Variants in CUX2 observed in about 807,000 individuals in gnomAD.
The protein encoded by CUX2 is cut like homeobox 2, also known as homeobox protein cut-like 2.
A neutral mutation model predicts 144.8 loss-of-function variants in CUX2; 40 were observed. The observed-to-expected ratio is 0.28, with a 90% CI of 0.21 to 0.36. CUX2 has a LOEUF of 0.36. CUX2 is among the 10% of genes least tolerant of loss of function. CUX2 has a pLI of 1.00. For missense variants in CUX2, 1,615 were observed against 1,994.0 expected, an observed-to-expected ratio of 0.81 and a Z score of 3.62; for synonymous variants, 827 against 875.6, an observed-to-expected ratio of 0.94 and a Z score of 0.98.
Position 111,330,686 on chromosome 12 carries a change from CATATAT to C in CUX2, c.2927-3695_2927-3690del, listed in dbSNP as rs57018141. ...CTATCTCTATTTAAAAATACATATA[CATATAT>C]ATATATATATATATATATATATATA... is the stretch of plus-strand genomic sequence containing the variant. On this transcript the variant is annotated intron_variant, in intron 18 of 21. Coordinates refer to ENST00000261726, the MANE Select transcript of CUX2 (RefSeq NM_015267.4). Among the ~76,000 whole-genome samples the C allele has an allele frequency of 5.8e-3, 345 of 59,166 alleles. 7 individuals are homozygous for C. The highest frequency in any genetic ancestry group is 8.7e-3 in the African/African-American group (199 of 22,812). 38.8% of individuals were successfully genotyped at this position (59,166 alleles called of 152,430 possible).
intron 1 of CUX2, among the ~76,000 whole-genome samples, chr12:111,210,888 T>C (rs1490861143): frequency 6.6e-6 from 1 of 151,756 alleles, no homozygotes; most frequent in Non-Finnish European, 1.5e-5. Context: ...CCCCAGCTGA[T>C]GGAGACGCAG....
chr12:111,092,711 G>T (rs1872616703), intron 1 of CUX2, among the ~76,000 whole-genome samples: 1 of 151,818 alleles, frequency 6.6e-6, no homozygotes, highest in South Asian at 2.1e-4. Context: ...AAATAGGAAT[G>T]GCAGAGGCTA....
At chr12:111,083,439 G>A (rs748393087) in intron 1 of CUX2, among the ~76,000 whole-genome samples, 4 of 152,302 alleles carry the variant, frequency 2.6e-5, no homozygotes, top group Non-Finnish European at 5.9e-5. Context: ...CAGATGGGAA[G>A]GGAAGAGGAG....
rs1033540467 is a variant in CUX2 at position 111,049,618 on chromosome 12, G to C, written c.63+15378G>C. 3.3e-5 allele frequency among the ~76,000 whole-genome samples: 5 copies of C among 152,330 alleles called. No homozygotes were observed. In the South Asian group the frequency reaches 1.0e-3, roughly 32 times the overall value. ...GGAGAGGGTTCTAGACTTGAGACGT[G>C]TAGTTCTCCCCTCCTTCCCCATCTG... On this transcript the variant is annotated intron_variant, in intron 1 of 21. Transcript: ENST00000261726.
At chr12:111,342,192 A>C in intron 21 of CUX2, 139 bp downstream of exon 21, 1 of 1,029,718 alleles carries the variant, frequency 9.7e-7, no homozygotes, top group Non-Finnish European at 1.4e-6. Context: ...GATATAGAAC[A>C]CAGGCCCAAG....
chr12:111,135,529 A>G (rs1413096292), intron 1 of CUX2, among the ~76,000 whole-genome samples: 1 of 152,218 alleles, frequency 6.6e-6, no homozygotes, highest in Non-Finnish European at 1.5e-5. Context: ...AAACATATAC[A>G]CAGATGTTCA....
intron 1 of CUX2, among the ~76,000 whole-genome samples, chr12:111,079,176 C>T (rs568394088): frequency 6.6e-6 from 1 of 152,142 alleles, no homozygotes; most frequent in Non-Finnish European, 1.5e-5. Flanking sequence ...CACGTACAAG[C>T]AGGTTAGAAT....
intron 1 of CUX2, among the ~76,000 whole-genome samples, chr12:111,079,635 T>C (rs762409651): frequency 6.6e-6 from 1 of 152,210 alleles, no homozygotes; most frequent in Non-Finnish European, 1.5e-5. Flanking sequence ...CATTCCCCCA[T>C]GCTCTGCTCT....
intron 1 of CUX2, among the ~76,000 whole-genome samples, chr12:111,161,701 ACT>A (rs1418377975): frequency 6.6e-6 from 1 of 151,812 alleles, no homozygotes; most frequent in Admixed American, 6.6e-5. Context: ...TAGCTCTCAC[ACT>A]CTATGCTGAG....
At position 111,293,072 on chromosome 12, in the gene CUX2, G is replaced by A. The variant is rs1436910671; in HGVS notation, c.437-374G>A. Among the ~76,000 whole-genome samples, 1 of 151,782 alleles carries A rather than the reference G, an allele frequency of 6.6e-6. No individual in the cohort carries two copies. The highest frequency in any genetic ancestry group is 2.4e-5 in the African/African-American group (1 of 41,244). On this transcript the variant is annotated intron_variant, in intron 5 of 21. Coordinates refer to ENST00000261726, the MANE Select transcript of CUX2 (RefSeq NM_015267.4). The surrounding 1 kb of genome is among the most constrained non-coding windows in gnomAD (Gnocchi z 4.5). The stretch of plus-strand genomic sequence containing the variant: ...CAGGAGGCAGAGGTTGCAGTAAGCT[G>A]AGATTGTGCCACTGCACTCGCAGTC...
At chr12:111,214,401 G>A (rs1244474959) in intron 2 of CUX2, 91 bp downstream of exon 2, 1 of 717,370 alleles carries the variant, frequency 1.4e-6, no homozygotes, top group African/African-American at 1.8e-5. Context: ...AGATGCAAGT[G>A]ACTAACAAGA....
At position 111,079,141 on chromosome 12, in the gene CUX2, G is replaced by T. The variant is rs114945465; in HGVS notation, c.63+44901G>T. On this transcript the variant is annotated intron_variant, in intron 1 of 21. Transcript: ENST00000261726. ...CCATCTCACTGCCTTTTACAAACTG[G>T]TGGCCTCAGACAAATTGTCATTCAC... is the stretch of plus-strand genomic sequence containing the variant. Among the ~76,000 whole-genome samples the T allele has an allele frequency of 8.1e-3, 1,233 of 152,322 alleles. 21 individuals are homozygous for T. The highest frequency in any genetic ancestry group is 0.028 in the African/African-American group (1,149 of 41,580).
At chr12:111,209,020 T>C (rs1482908699) in intron 1 of CUX2, among the ~76,000 whole-genome samples, 1 of 152,118 alleles carries the variant, frequency 6.6e-6, no homozygotes, top group Non-Finnish European at 1.5e-5. Flanking sequence ...ATAGGAAAAA[T>C]GTGTCTGTGA....
chr12:111,040,370 C>A (rs749367503), intron 1 of CUX2, among the ~76,000 whole-genome samples: 1 of 151,870 alleles, frequency 6.6e-6, no homozygotes, highest in Non-Finnish European at 1.5e-5. Flanking sequence ...CCCCCAGGAT[C>A]TGCCCCATTC....
intron 1 of CUX2, among the ~76,000 whole-genome samples, chr12:111,193,577 C>T (rs927106725): frequency 1.3e-5 from 2 of 152,182 alleles, no homozygotes; most frequent in Admixed American, 1.3e-4. Context: ...GTAATTGTAA[C>T]GCCGGCCGCA....
intron 1 of CUX2, among the ~76,000 whole-genome samples, chr12:111,119,863 G>T (rs1270325924): frequency 6.6e-6 from 1 of 152,212 alleles, no homozygotes. Flanking sequence ...TTCGAGACCA[G>T]CCTGGCCAAC....
At chr12:111,091,822 C>A (rs1157861667) in intron 1 of CUX2, among the ~76,000 whole-genome samples, 1 of 152,198 alleles carries the variant, frequency 6.6e-6, no homozygotes, top group Non-Finnish European at 1.5e-5. Context: ...TGGCTTGTGG[C>A]CGCATCACTA....
intron 3 of CUX2, among the ~76,000 whole-genome samples, chr12:111,229,139 C>T (rs963188365): frequency 1.3e-5 from 2 of 152,248 alleles, no homozygotes; most frequent in East Asian, 3.9e-4. Context: ...CTAAAATAAT[C>T]CCCCGGTGTA....
At chr12:111,253,080 G>A (rs889195824) in intron 3 of CUX2, among the ~76,000 whole-genome samples, 9 of 151,886 alleles carry the variant, frequency 5.9e-5, no homozygotes, top group East Asian at 1.9e-4. Context: ...GCTCTGAGCC[G>A]CCTGGGTTGT....
Sources: gnomAD v4.1 joint callset for allele counts (sites outside exome capture counted in the v4.1 genomes callset) on GRCh38, gnomAD v4.1.1 for gene constraint, Gnocchi (gnomAD v3.1) non-coding constraint, MANE v1.5 for transcripts, NCBI Gene and HGNC (gene_info 2026-07-23, HGNC 2026-07-21) for gene names.